GABRB2: variants seen among roughly 807,000 people sequenced by gnomAD.
The protein encoded by GABRB2 is gamma-aminobutyric acid receptor subunit beta-2.
A neutral mutation model predicts 54.7 loss-of-function variants in GABRB2; 16 were observed. That is an observed-to-expected ratio of 0.29 (90% CI 0.20 to 0.44). The LOEUF (loss-of-function observed/expected upper bound fraction) is 0.44, where lower values mean the gene tolerates loss of function less well. Ranked by LOEUF, GABRB2 falls within the 20% of genes least tolerant of loss-of-function variation. The pLI is 1.00. For missense variants in GABRB2, 355 were observed against 644.0 expected (o/e 0.55, Z 4.86); for synonymous variants, 244 against 233.8 (o/e 1.04, Z -0.40).
chr5:161,483,974 C>A (rs1456459105), intron 3 of GABRB2, among the ~76,000 whole-genome samples: 1 of 151,772 alleles, frequency 6.6e-6, no homozygotes, highest in Non-Finnish European at 1.5e-5. Flanking sequence ...GTGATTTTCA[C>A]CCATTGGTAT....
chr5:161,508,726 G>A (rs778017074), intron 3 of GABRB2, among the ~76,000 whole-genome samples: 8 of 151,986 alleles, frequency 5.3e-5, no homozygotes, highest in Non-Finnish European at 1.0e-4. Flanking sequence ...CAGTTGTCTC[G>A]ATAAGAGGAT....
intron 9 of GABRB2, 38 bp downstream of exon 9, chr5:161,326,329 AG>A (rs1455473714): frequency 6.2e-7 from 1 of 1,606,272 alleles, no homozygotes; most frequent in East Asian, 2.2e-5. Flanking sequence ...TGGCCCCAAC[AG>A]AAATACAAAT....
intron 9 of GABRB2, among the ~76,000 whole-genome samples, chr5:161,307,863 C>CT (rs34485396): frequency 0.11 from 15,090 of 140,066 alleles, 982 homozygotes; most frequent in Non-Finnish European, 0.15. Context: ...AAGACTAATT[C>CT]TTTTTTTTTT....
At chr5:161,543,050 G>C (rs1337290521) in intron 3 of GABRB2, among the ~76,000 whole-genome samples, 1 of 152,248 alleles carries the variant, frequency 6.6e-6, no homozygotes, top group African/African-American at 2.4e-5. Context: ...TGACAATCTA[G>C]CTGGACAAAT....
At chr5:161,418,944 TG>T (rs1403150809) in intron 4 of GABRB2, among the ~76,000 whole-genome samples, 2 of 152,034 alleles carry the variant, frequency 1.3e-5, no homozygotes, top group African/African-American at 2.4e-5. Flanking sequence ...GGGGGAAGCA[TG>T]GCAAAATCCT....
At chr5:161,470,800 T>C (rs549202628) in intron 3 of GABRB2, among the ~76,000 whole-genome samples, 1 of 152,050 alleles carries the variant, frequency 6.6e-6, no homozygotes, top group Admixed American at 6.6e-5. Flanking sequence ...ACCATGGAAA[T>C]AGAAACCTGA....
rs1757149289 is a variant in GABRB2, at chr5:161,288,597, A to G, written c.*5484T>C. The G allele has an allele frequency of 6.6e-6, 1 of 152,630 alleles. No individual in the cohort carries two copies. The highest frequency in any genetic ancestry group is 6.5e-5 in the Admixed American group (1 of 15,272). 9.5% of individuals were successfully genotyped at this position (152,630 alleles called of 1,614,324 possible). A position where few individuals can be genotyped will look rare whatever the true frequency, so the allele number is the denominator to read the frequency against. ...CATTTTTTACTATCTCATGTATCCC[A>G]GAGATTTTAATAGTCCTGTTTTTAG... On this transcript the variant is annotated 3_prime_UTR_variant, in exon 10 of 10. Coordinates refer to ENST00000393959, the MANE Select transcript of GABRB2 (RefSeq NM_001371727.1).
intron 9 of GABRB2, among the ~76,000 whole-genome samples, chr5:161,320,281 A>G (rs1249241953): frequency 3.3e-5 from 5 of 151,950 alleles, no homozygotes; most frequent in African/African-American, 9.7e-5. Flanking sequence ...TAACTAATTT[A>G]ACCACACAAC....
At chr5:161,436,730 G>C (rs1184427386) in intron 4 of GABRB2, among the ~76,000 whole-genome samples, 1 of 152,076 alleles carries the variant, frequency 6.6e-6, no homozygotes, top group Non-Finnish European at 1.5e-5. Context: ...GCTGAAAGAG[G>C]CACTGAAGAG....
chr5:161,349,978 C>A (rs1754426665), intron 5 of GABRB2, among the ~76,000 whole-genome samples: 1 of 152,038 alleles, frequency 6.6e-6, no homozygotes, highest in Admixed American at 6.6e-5. Flanking sequence ...AGCTTTAGGG[C>A]AATTTGATAA....
At chr5:161,368,803 T>C (rs1755047027) in intron 5 of GABRB2, among the ~76,000 whole-genome samples, 1 of 152,170 alleles carries the variant, frequency 6.6e-6, no homozygotes, top group African/African-American at 2.4e-5. Flanking sequence ...GCAGGATTTG[T>C]AGAGATGTTA....
Position 161,427,373 on chromosome 5 carries a change from G to A in GABRB2, c.459-16316C>T, listed in dbSNP as rs34980441. Among the ~76,000 whole-genome samples the A allele has an allele frequency of 3.6e-3, 552 of 152,280 alleles. 3 individuals carry two copies. The highest frequency in any genetic ancestry group is 4.6e-3 in the Non-Finnish European group (311 of 68,012). ...ATAGAAAGATTACTTGGCGGATAGT[G>A]AGGGCTGTAAAATAATGAAATAACT... On this transcript the variant is annotated intron_variant, in intron 4 of 9. Coordinates refer to ENST00000393959, the MANE Select transcript of GABRB2 (RefSeq NM_001371727.1).
intron 3 of GABRB2, among the ~76,000 whole-genome samples, chr5:161,467,588 C>A (rs1193232808): frequency 6.6e-6 from 1 of 152,022 alleles, no homozygotes; most frequent in Admixed American, 6.6e-5. Flanking sequence ...TAACTTTAGG[C>A]ATTTTAGAAA....
chr5:161,547,322 G>A (rs1488886017), upstream of GABRB2, among the ~76,000 whole-genome samples: 1 of 123,560 alleles, frequency 8.1e-6, no homozygotes, highest in Non-Finnish European at 1.7e-5. Context: ...TTGGGGCGGG[G>A]GGTTGGGGAG....
At chr5:161,351,831 T>G (rs574995061) in intron 5 of GABRB2, among the ~76,000 whole-genome samples, 1 of 151,912 alleles carries the variant, frequency 6.6e-6, no homozygotes, top group Non-Finnish European at 1.5e-5. Flanking sequence ...CCAAAATATA[T>G]AAGGAACTCA....
At chr5:161,478,226 T>C (rs1336758379) in intron 3 of GABRB2, among the ~76,000 whole-genome samples, 1 of 152,030 alleles carries the variant, frequency 6.6e-6, no homozygotes, top group Admixed American at 6.6e-5. Context: ...GGAATACATA[T>C]ATTCTCTACG....
intron 3 of GABRB2, among the ~76,000 whole-genome samples, chr5:161,504,695 T>C (rs980750167): frequency 2.2e-5 from 3 of 138,914 alleles, no homozygotes; most frequent in African/African-American, 5.4e-5. Context: ...ATAATAAATA[T>C]GAGTAAAATA....
chr5:161,409,154 A>G (rs544052867), intron 5 of GABRB2, among the ~76,000 whole-genome samples: 5 of 152,168 alleles, frequency 3.3e-5, no homozygotes, highest in African/African-American at 1.2e-4. Context: ...GGTCCCTCCA[A>G]AATCAGTGTC....
chr5:161,512,875 A>T (rs1759820368), intron 3 of GABRB2, among the ~76,000 whole-genome samples: 1 of 151,900 alleles, frequency 6.6e-6, no homozygotes, highest in Non-Finnish European at 1.5e-5. Flanking sequence ...AGCAAAAAAA[A>T]TTAAAAACTG....
Sources: allele counts gnomAD v4.1 joint callset (sites outside exome capture counted in the v4.1 genomes callset), GRCh38; gene constraint gnomAD v4.1.1; transcripts MANE v1.5; gene names NCBI Gene and HGNC (gene_info 2026-07-23, HGNC 2026-07-21).